The following GSR variants were observed in gnomAD, a reference collection of about 807,000 sequenced individuals.
GSR encodes glutathione reductase, mitochondrial.
A neutral mutation model predicts 56.5 loss-of-function variants in GSR; 48 were observed. The ratio of observed to expected loss-of-function variants is 0.85; its 90% CI spans 0.67 to 1.08. The LOEUF (loss-of-function observed/expected upper bound fraction) is 1.08, where lower values mean the gene tolerates loss of function less well. Ranked by LOEUF, GSR falls within the 50% of genes least tolerant of loss-of-function variation. GSR has a pLI of 0.00. For synonymous variants in GSR, 264 were observed against 270.8 expected (o/e 0.97, Z 0.25); for missense variants, 694 against 703.3 (o/e 0.99, Z 0.15).
intron 8 of GSR, among the ~76,000 whole-genome samples, chr8:30,689,992 G>T (rs1266730407): frequency 1.8e-5 from 2 of 108,566 alleles, no homozygotes; most frequent in Admixed American, 1.2e-4. Context: ...GTATATATAT[G>T]TATATTTATA....
chr8:30,727,458 C>T, intron 1 of GSR, 72 bp downstream of exon 1: 1 of 1,370,764 alleles, frequency 7.3e-7, no homozygotes, highest in Non-Finnish European at 9.9e-7. Flanking sequence ...GCCATAGGAA[C>T]GAGCACAGGC....
intron 2 of GSR, 57 bp downstream of exon 2, chr8:30,712,005 T>A: frequency 1.0e-6 from 1 of 960,080 alleles, no homozygotes; most frequent in Non-Finnish European, 1.7e-6. Context: ...CTGATTTTGA[T>A]TATGATTTAC....
chr8:30,727,787 G>A lies in GSR; in HGVS notation c.49C>T (p.Arg17Trp), dbSNP rs1319819824. The change falls in exon 1 of 13, where the codon CGG (arginine) becomes TGG (tryptophan). Residue 17 changes from arginine (R) to tryptophan (W), a missense_variant. Coordinates refer to ENST00000221130, the MANE Select transcript of GSR (RefSeq NM_000637.5). ...ALSAGAGPSW[R>W]RAARAFRGFL... ...CCTCGGAAGGCGCGCGCCGCCCGCC[G>A]CCAGCTCGGTCCCGCGCCGGCGCTC... is the stretch of plus-strand genomic sequence containing the variant. The A allele has an allele frequency of 1.5e-6, 2 of 1,350,088 alleles. No homozygotes were observed. The highest frequency in any genetic ancestry group is 1.9e-6 in the Non-Finnish European group (2 of 1,050,848). 83.6% of individuals were successfully genotyped at this position (1,350,088 alleles called of 1,614,324 possible). A position where few individuals can be genotyped will look rare whatever the true frequency, so the allele number is the denominator to read the frequency against.
At chr8:30,684,394 G>C (rs1380479452) in intron 9 of GSR, among the ~76,000 whole-genome samples, 195 bp from the exon 10 acceptor site, 1 of 152,032 alleles carries the variant, frequency 6.6e-6, no homozygotes, top group African/African-American at 2.4e-5. Flanking sequence ...GCCCACACCT[G>C]TAACCCCAGA....
chr8:30,703,533 G>A (rs1803818710), intron 4 of GSR, among the ~76,000 whole-genome samples: 1 of 152,094 alleles, frequency 6.6e-6, no homozygotes, highest in Non-Finnish European at 1.5e-5. Context: ...GATAGCTTGA[G>A]CTCAGGAGTT....
intron 6 of GSR, among the ~76,000 whole-genome samples, chr8:30,697,675 T>C (rs758587301): frequency 6.6e-6 from 1 of 152,128 alleles, no homozygotes; most frequent in Non-Finnish European, 1.5e-5. Flanking sequence ...AAGGGAAATG[T>C]ATTTTTCATT....
intron 9 of GSR, among the ~76,000 whole-genome samples, chr8:30,685,490 G>T (rs923200028): frequency 2.0e-5 from 3 of 152,024 alleles, no homozygotes; most frequent in African/African-American, 7.2e-5. Flanking sequence ...CAGACTCCCA[G>T]AAGAAAAGTA....
chr8:30,722,437 A>C (rs900848188), intron 1 of GSR, among the ~76,000 whole-genome samples: 3 of 152,234 alleles, frequency 2.0e-5, no homozygotes, highest in South Asian at 2.1e-4. Flanking sequence ...TTAATAATGC[A>C]TGTTCAGGCT....
At chr8:30,683,134 A>G (rs1361095700) in intron 10 of GSR, among the ~76,000 whole-genome samples, 1 of 151,998 alleles carries the variant, frequency 6.6e-6, no homozygotes, top group Non-Finnish European at 1.5e-5. Flanking sequence ...CTGAATCTTT[A>G]TTTTTTTAAT....
chr8:30,679,815 C>A lies in GSR; in HGVS notation c.1420-146G>T, dbSNP rs8191038. ...CCACCTCCCGGGTTCAAGTGATTCT[C>A]CTGCCTCAGCCTCCCGAGTAGCTGG... is the stretch of plus-strand genomic sequence containing the variant. On this transcript the variant is annotated intron_variant, in intron 12 of 12. Coordinates refer to ENST00000221130, the MANE Select transcript of GSR (RefSeq NM_000637.5). 133,191 of 695,144 alleles carry A rather than the reference C, an allele frequency of 0.19. 14,338 individuals carry two copies. Among genetic ancestry groups the A allele is most frequent in the East Asian group, 0.36 (12,392 of 34,718 alleles). The allele number at this position is 695,144 out of a possible 1,614,324, so 43.1% of individuals were successfully genotyped here.
Position 30,724,788 on chromosome 8 carries a change from G to T in GSR, c.306+2742C>A, listed in dbSNP as rs546400386. Reference sequence around the variant, plus strand: ...TGACCTCAGGTGATCTGCCCACCTTGGCCTCCCAAAGTGCTGGCGTGAGCC... The same window carrying T: ...TGACCTCAGGTGATCTGCCCACCTTTGCCTCCCAAAGTGCTGGCGTGAGCC... On this transcript the variant is annotated intron_variant, in intron 1 of 12. Coordinates refer to ENST00000221130, the MANE Select transcript of GSR (RefSeq NM_000637.5). 9.9e-3 allele frequency among the ~76,000 whole-genome samples: 1,501 copies of T among 152,154 alleles called. 31 individuals are homozygous for T. Among genetic ancestry groups the T allele is most frequent in the African/African-American group, 0.034 (1,423 of 41,512 alleles).
At chr8:30,691,850 A>G (rs1300958939) in intron 8 of GSR, among the ~76,000 whole-genome samples, 2 of 151,880 alleles carry the variant, frequency 1.3e-5, no homozygotes, top group African/African-American at 4.8e-5. Context: ...TGTAATCCTT[A>G]CACTTTGGGA....
At chr8:30,699,530 G>A (rs372528640) in intron 6 of GSR, among the ~76,000 whole-genome samples, 85 of 151,890 alleles carry the variant, frequency 5.6e-4, no homozygotes, top group African/African-American at 1.9e-3. Flanking sequence ...CTGCAACTCC[G>A]CCTTGAGAAT....
chr8:30,727,572 G>C lies in GSR; in HGVS notation c.264C>G (p.Ala88=). ...ASARRAAELG[A]RAAVVESHKL... ...TGTGGCTCTCCACCACGGCGGCCCT[G>C]GCACCCAGCTCGGCCGCCCTGCGCG... The change falls in exon 1 of 13, where the codon GCC becomes GCG. Residue 88 remains alanine (A), a synonymous_variant. Transcript: ENST00000221130. 6.5e-7 allele frequency: 1 copy of C among 1,534,882 alleles called. No individual in the cohort carries two copies. The highest frequency in any genetic ancestry group is 8.7e-7 in the Non-Finnish European group (1 of 1,144,756).
chr8:30,711,951 T>G (rs572983332), intron 2 of GSR, 111 bp downstream of exon 2: 14 of 631,638 alleles, frequency 2.2e-5, no homozygotes, highest in East Asian at 2.2e-4. Flanking sequence ...GGTCTAGGGG[T>G]TTTTTTTGCA....
chr8:30,708,038 C>T lies in GSR; in HGVS notation c.492+34G>A, dbSNP rs368800797. ...AGCTGAGTACTCAAGAAGGGAACAGCTCTTTCTCAAAGTTAAAAACCCAGC... is the reference window on the plus strand; with the variant it reads ...AGCTGAGTACTCAAGAAGGGAACAGTTCTTTCTCAAAGTTAAAAACCCAGC... On this transcript the variant is annotated intron_variant, in intron 4 of 12. Transcript: ENST00000221130. The T allele has an allele frequency of 6.7e-5, 93 of 1,389,562 alleles. No individual in the cohort carries two copies. The African/African-American group carries it at 1.2e-3, about 18-fold the overall frequency. The allele number at this position is 1,389,562 out of a possible 1,614,324, so 86.1% of individuals were successfully genotyped here. A position where few individuals can be genotyped will look rare whatever the true frequency, so the allele number is the denominator to read the frequency against.
At chr8:30,727,238 T>C (rs2128750461) in intron 1 of GSR, among the ~76,000 whole-genome samples, 1 of 152,290 alleles carries the variant, frequency 6.6e-6, no homozygotes, top group East Asian at 1.9e-4. Flanking sequence ...CCTCTCCCAC[T>C]TGGACAAGTG....
chr8:30,700,933 G>A (rs1038097491), intron 5 of GSR, among the ~76,000 whole-genome samples: 1 of 152,020 alleles, frequency 6.6e-6, no homozygotes, highest in Non-Finnish European at 1.5e-5. Context: ...ATTCTTCCAG[G>A]TTTGACCTTC....
At chr8:30,713,481 C>A (rs1364993131) in intron 1 of GSR, among the ~76,000 whole-genome samples, 3 of 152,030 alleles carry the variant, frequency 2.0e-5, no homozygotes, top group African/African-American at 7.2e-5. Context: ...GCCTCAGCCT[C>A]CCGAGTAGCT....
Sources: allele counts gnomAD v4.1 joint callset (sites outside exome capture counted in the v4.1 genomes callset), GRCh38; gene constraint gnomAD v4.1.1; transcripts MANE v1.5; gene names NCBI Gene and HGNC (gene_info 2026-07-23, HGNC 2026-07-21).